SLC45A1: variants seen among roughly 807,000 people sequenced by gnomAD.
SLC45A1 encodes proton-associated sugar transporter A.
SLC45A1 carries 28 observed loss-of-function variants against 57.6 expected under a neutral mutation model. That is an observed-to-expected ratio of 0.49 (90% CI 0.36 to 0.67). The LOEUF (loss-of-function observed/expected upper bound fraction) is 0.67, where lower values mean the gene tolerates loss of function less well. Ranked by LOEUF, SLC45A1 falls within the 30% of genes least tolerant of loss-of-function variation. The pLI is 0.00. For synonymous variants in SLC45A1, 459 were observed against 471.5 expected, an observed-to-expected ratio of 0.97 and a Z score of 0.34; for missense variants, 814 against 1,041.5, an observed-to-expected ratio of 0.78 and a Z score of 3.01.
chr1:8,330,437 C>T lies in SLC45A1; in HGVS notation c.944C>T (p.Pro315Leu), dbSNP rs989847275. ...SPSLPLPPSP[P>L]VLPEEGPGDS... ...AGCCTCCCGCTGCCCCCGTCCCCAC[C>T]CGTCCTGCCAGAGGAAGGCCCTGGC... Residue 315 changes from proline to leucine, a missense_variant, in exon 5 of 9, where the codon CCC becomes CTC. By Grantham distance (98) the Pro-to-Leu change is moderately conservative (BLOSUM62 -3). Coordinates refer to ENST00000471889, the MANE Select transcript of SLC45A1 (RefSeq NM_001080397.3). The surrounding 1 kb of genome is among the most constrained non-coding windows in gnomAD (Gnocchi z 8.4). 6.2e-7 allele frequency: 1 copy of T among 1,611,548 alleles called. No individual in the cohort carries two copies. The highest frequency in any genetic ancestry group is 1.3e-5 in the African/African-American group (1 of 74,908).
At chr1:8,321,142 C>T (rs1639999580) in intron 1 of SLC45A1, among the ~76,000 whole-genome samples, 1 of 152,130 alleles carries the variant, frequency 6.6e-6, no homozygotes, top group Non-Finnish European at 1.5e-5. Context: ...CCAGGTTTTA[C>T]CATGCAGAAG....
Position 8,324,454 on chromosome 1 carries a change from G to T in SLC45A1, c.125G>T (p.Arg42Leu). Residue 42 changes from arginine (R) to leucine (L), a missense_variant, in exon 2 of 9, where the codon CGG (arginine) becomes CTG (leucine). By Grantham distance (102) the Arg-to-Leu change is moderately radical. Transcript: ENST00000471889. The stretch of plus-strand genomic sequence containing the variant: ...TCCGTGACACGACACCTCAGTCACC[G>T]GGCCAACAACTTCAAACGACACCCC... The part of the protein sequence containing the change: ...SGSVTRHLSH[R>L]ANNFKRHPKR... The T allele has an allele frequency of 6.2e-7, 1 of 1,612,794 alleles. No individual in the cohort carries two copies.
rs559993256 is a variant in SLC45A1 at position 8,328,712 on chromosome 1, G to A, written c.716-1497G>A. ...AAATTAGCCGGGCGTGGTGGTGAGC[G>A]CCTGTAATCCCAGCTACTCGGGAGG... On this transcript the variant is annotated intron_variant, in intron 4 of 8. Coordinates refer to ENST00000471889, the MANE Select transcript of SLC45A1 (RefSeq NM_001080397.3). This position sits in a 1 kb window ranked among gnomAD's most constrained non-coding sequence, Gnocchi z 4.6. Among the ~76,000 whole-genome samples the A allele has an allele frequency of 5.1e-4, 77 of 152,088 alleles. No homozygotes were observed. Among genetic ancestry groups the A allele is most frequent in the Non-Finnish European group, 8.7e-4 (59 of 67,952 alleles).
Position 8,343,817 on chromosome 1 carries a change from ACTTC to A in SLC45A1, c.2054_2057del (p.Phe685TrpfsTer13). 2 of 1,614,050 alleles carry A rather than the reference ACTTC, an allele frequency of 1.2e-6. No homozygotes were observed. The highest frequency in any genetic ancestry group is 1.7e-6 in the Non-Finnish European group (2 of 1,179,986). The stretch of plus-strand genomic sequence containing the variant: ...GACATCTCTCTGCTGAGCTGCCAGT[ACTTC>A]CTGGCTCAGATTCTGGTCTCCCTGG... On this transcript the variant is annotated frameshift_variant, in exon 9 of 9. Transcript: ENST00000471889. LOFTEE classifies it high-confidence loss of function. This position sits in a 1 kb window ranked among gnomAD's most constrained non-coding sequence, Gnocchi z 7.7.
chr1:8,338,025 G>T, intron 7 of SLC45A1, 33 bp downstream of exon 7: 1 of 1,604,172 alleles, frequency 6.2e-7, no homozygotes, highest in South Asian at 1.1e-5. Context: ...GCACGGCAGT[G>T]AGAGCTTTGG....
chr1:8,338,207 C>G (rs1403037509), intron 7 of SLC45A1, among the ~76,000 whole-genome samples: 1 of 152,214 alleles, frequency 6.6e-6, no homozygotes. Flanking sequence ...GAGCTGGTGG[C>G]CTACGGGGGC....
chr1:8,331,131 T>C (rs1438620125), intron 5 of SLC45A1, among the ~76,000 whole-genome samples, 195 bp downstream of exon 5: 1 of 152,170 alleles, frequency 6.6e-6, no homozygotes, highest in East Asian at 1.9e-4. Flanking sequence ...GTCCCAGCAC[T>C]TTAGGAGGCT....
At chr1:8,320,690 TCTACACACACAC>T (rs1222655531) in intron 1 of SLC45A1, among the ~76,000 whole-genome samples, 39,701 of 130,100 alleles carry the variant, frequency 0.31, 5,545 homozygotes, top group Middle Eastern at 0.38. Flanking sequence ...TCTCTCTCTC[TCTACACACACAC>T]ACACACACAC....
At position 8,325,355 on chromosome 1, in the gene SLC45A1, G is replaced by T; in HGVS notation, c.455G>T (p.Gly152Val). ...AWSDRCTSRF[G>V]RRRPFILVLA... Reference sequence around the variant, plus strand: ...AGTGACCGGTGTACCTCAAGGTTTGGAAGGAGACGCCCTTTCATTCTTGTC... The same window carrying T: ...AGTGACCGGTGTACCTCAAGGTTTGTAAGGAGACGCCCTTTCATTCTTGTC... Residue 152 changes from glycine (G) to valine (V), a missense_variant, in exon 3 of 9, where the codon GGA becomes GTA. Gly to Val is a moderately radical substitution (Grantham distance 109, BLOSUM62 -3). Transcript: ENST00000471889. The surrounding 1 kb of genome is among the most constrained non-coding windows in gnomAD (Gnocchi z 6.3). 1 of 1,613,474 alleles carries T rather than the reference G, an allele frequency of 6.2e-7. No individual in the cohort carries two copies. Among genetic ancestry groups the T allele is most frequent in the Non-Finnish European group, 8.5e-7 (1 of 1,179,600 alleles).
intron 1 of SLC45A1, among the ~76,000 whole-genome samples, chr1:8,323,787 G>A (rs979088789): frequency 3.9e-5 from 6 of 152,206 alleles, no homozygotes; most frequent in African/African-American, 1.2e-4. Context: ...TTAGGGAGTG[G>A]AGAGGACTGG....
rs200823214 is a variant in SLC45A1, at chr1:8,330,477, G to T, written c.984G>T (p.Ser328=). Residue 328 remains serine, a synonymous_variant, in exon 5 of 9, where the codon TCG becomes TCT. Coordinates refer to ENST00000471889, the MANE Select transcript of SLC45A1 (RefSeq NM_001080397.3). The surrounding 1 kb of genome is among the most constrained non-coding windows in gnomAD (Gnocchi z 8.4). Reference sequence around the variant, plus strand: ...AAGGCCCTGGCGACAGCCTCCCGTCGCACACGGCCACCAACTTCTCCAGCC... The same window carrying T: ...AAGGCCCTGGCGACAGCCTCCCGTCTCACACGGCCACCAACTTCTCCAGCC... ...PEEGPGDSLP[S]HTATNFSSPI... The T allele has an allele frequency of 1.2e-6, 2 of 1,612,610 alleles. No individual in the cohort carries two copies. Among genetic ancestry groups the T allele is most frequent in the South Asian group, 2.2e-5 (2 of 91,058 alleles).
chr1:8,327,744 A>G lies in SLC45A1; in HGVS notation c.715+1702A>G, dbSNP rs965889750. 3.9e-5 allele frequency among the ~76,000 whole-genome samples: 6 copies of G among 152,294 alleles called. No individual in the cohort carries two copies. Among genetic ancestry groups the G allele is most frequent in the Middle Eastern group, 3.4e-3 (1 of 294 alleles). ...GAAAAAAATTCCATTTAAAATAGCA[A>G]CTGGGGCTGGGCGTGGTGGCTCATG... is the stretch of plus-strand genomic sequence containing the variant. On this transcript the variant is annotated intron_variant, in intron 4 of 8. Coordinates refer to ENST00000471889, the MANE Select transcript of SLC45A1 (RefSeq NM_001080397.3). The surrounding 1 kb of genome is among the most constrained non-coding windows in gnomAD (Gnocchi z 4.3).
In SLC45A1 at chr1:8,330,290, T is replaced by G; in HGVS notation, c.797T>G (p.Leu266Arg). The G allele has an allele frequency of 6.2e-7, 1 of 1,613,762 alleles. No individual in the cohort carries two copies. Reference protein sequence around the residue: ...TGFGRALGGQLRVIYLFTAVT... With the variant: ...TGFGRALGGQRRVIYLFTAVT... ...TTCGGGAGGGCCCTGGGGGGACAGC[T>G]CCGAGTCATTTACCTCTTCACTGCG... Residue 266 changes from leucine to arginine, a missense_variant, in exon 5 of 9, where the codon CTC becomes CGC. Physicochemically the swap from Leu to Arg is moderately radical, Grantham distance 102. Coordinates refer to ENST00000471889, the MANE Select transcript of SLC45A1 (RefSeq NM_001080397.3). The surrounding 1 kb of genome is among the most constrained non-coding windows in gnomAD (Gnocchi z 8.4).
At position 8,343,179 on chromosome 1, in the gene SLC45A1, T is replaced by C. The variant is rs1261604672; in HGVS notation, c.1981-568T>C. On this transcript the variant is annotated intron_variant, in intron 8 of 8. Coordinates refer to ENST00000471889, the MANE Select transcript of SLC45A1 (RefSeq NM_001080397.3). The surrounding 1 kb of genome is among the most constrained non-coding windows in gnomAD (Gnocchi z 7.7). ...GCCGGCTGGTGCTGGGGGAGCCCAG[T>C]GAGGGAAAGCCATGCCACCGCTCCC... 6.6e-6 allele frequency among the ~76,000 whole-genome samples: 1 copy of C among 151,874 alleles called. No individual in the cohort carries two copies. Among genetic ancestry groups the C allele is most frequent in the Non-Finnish European group, 1.5e-5 (1 of 67,982 alleles).
At position 8,331,655 on chromosome 1, in the gene SLC45A1, C is replaced by T. The variant is rs1465956080; in HGVS notation, c.1443+719C>T. Among the ~76,000 whole-genome samples the T allele has an allele frequency of 2.0e-5, 3 of 152,274 alleles. No individual in the cohort carries two copies. In the East Asian group the frequency reaches 5.8e-4, roughly 29 times the overall value. ...GACCTTGTCTCAGAAAAAGAAAAGA[C>T]AAGCCTCAGAAACGTGACGTCTTCC... is the stretch of plus-strand genomic sequence containing the variant. On this transcript the variant is annotated intron_variant, in intron 5 of 8. Coordinates refer to ENST00000471889, the MANE Select transcript of SLC45A1 (RefSeq NM_001080397.3).
In SLC45A1 at chr1:8,330,174, G is replaced by T; in HGVS notation, c.716-35G>T. ...CACCGCGTTTGGGGCTTCTCCTCCC[G>T]CAGAAGGGAACTCAAACCCTGTCTC... On this transcript the variant is annotated intron_variant, in intron 4 of 8. Transcript: ENST00000471889. This position sits in a 1 kb window ranked among gnomAD's most constrained non-coding sequence, Gnocchi z 8.4. The T allele has an allele frequency of 6.3e-7, 1 of 1,596,910 alleles. No homozygotes were observed. Among genetic ancestry groups the T allele is most frequent in the Non-Finnish European group, 8.5e-7 (1 of 1,170,746 alleles).
intron 8 of SLC45A1, among the ~76,000 whole-genome samples, chr1:8,341,723 G>A (rs932484187): frequency 4.0e-5 from 6 of 150,408 alleles, no homozygotes; most frequent in Non-Finnish European, 8.9e-5. Context: ...AAGAGTTCAA[G>A]ATCAGCCTGG....
Position 8,335,701 on chromosome 1 carries a change from A to G in SLC45A1, c.1597+111A>G. 8.0e-7 allele frequency: 1 copy of G among 1,242,570 alleles called. No individual in the cohort carries two copies. The highest frequency in any genetic ancestry group is 1.1e-6 in the Non-Finnish European group (1 of 921,194). The allele number at this position is 1,242,570 out of a possible 1,614,324, so 77.0% of individuals were successfully genotyped here. On this transcript the variant is annotated intron_variant, in intron 6 of 8. Transcript: ENST00000471889. The surrounding 1 kb of genome is among the most constrained non-coding windows in gnomAD (Gnocchi z 4.1). Reference sequence around the variant, plus strand: ...CCCTTCCCAGAACCTTTCTGAGTTCACCAGCCCCCAACAACAGCACCAAGG... The same window carrying G: ...CCCTTCCCAGAACCTTTCTGAGTTCGCCAGCCCCCAACAACAGCACCAAGG...
chr1:8,331,015 G>A, intron 5 of SLC45A1, 79 bp downstream of exon 5: 1 of 1,479,200 alleles, frequency 6.8e-7, no homozygotes, highest in Admixed American at 2.2e-5. Flanking sequence ...GACAAAGAGG[G>A]AGAGTCCCTC....
Sources: allele counts gnomAD v4.1 joint callset (sites outside exome capture counted in the v4.1 genomes callset), GRCh38; gene constraint gnomAD v4.1.1; non-coding constraint Gnocchi (gnomAD v3.1); transcripts MANE v1.5; gene names NCBI Gene and HGNC (gene_info 2026-07-23, HGNC 2026-07-21).